FLRT1: variants seen among roughly 807,000 people sequenced by gnomAD.
The protein encoded by FLRT1 is leucine-rich repeat transmembrane protein FLRT1.
Under a neutral mutation model 30.9 loss-of-function variants are expected in FLRT1, and 14 were observed. The observed-to-expected ratio is 0.45, with a 90% confidence interval of 0.30 to 0.71. FLRT1 has a LOEUF of 0.71. Among genes scored for constraint, FLRT1 ranks in the 30% least tolerant of loss-of-function variants. FLRT1 has a pLI of 0.08. For missense variants in FLRT1, 737 were observed against 949.2 expected, an observed-to-expected ratio of 0.78 and a Z score of 2.94; for synonymous variants, 368 against 430.4, an observed-to-expected ratio of 0.85 and a Z score of 1.80.
At chr11:64,114,194 AGATGGATG>A (rs1224090833) in intron 2 of FLRT1, among the ~76,000 whole-genome samples, 14 of 118,978 alleles carry the variant, frequency 1.2e-4, no homozygotes, top group African/African-American at 3.6e-4. Context: ...ATGGATGGTT[AGATGGATG>A]GATGGATGGA....
chr11:64,056,660 G>C (rs1341987457), intron 1 of FLRT1, among the ~76,000 whole-genome samples: 1 of 152,178 alleles, frequency 6.6e-6, no homozygotes, highest in Non-Finnish European at 1.5e-5. Context: ...CAGGTCACAG[G>C]GGACAGGCAC....
chr11:64,072,513 G>A (rs1468213830), intron 1 of FLRT1, among the ~76,000 whole-genome samples: 1 of 152,204 alleles, frequency 6.6e-6, no homozygotes, highest in Non-Finnish European at 1.5e-5. Flanking sequence ...TGATAAACCA[G>A]GCACCCGTGA....
chr11:64,078,577 C>T (rs185924336), intron 1 of FLRT1, among the ~76,000 whole-genome samples: 82 of 152,308 alleles, frequency 5.4e-4, no homozygotes, highest in Admixed American at 4.9e-3. Flanking sequence ...GCCCTGTGCC[C>T]CACAGGGTCC....
At position 64,090,514 on chromosome 11, in the gene FLRT1, C is replaced by T. The variant is rs532257475; in HGVS notation, c.-1037-12680C>T. ...GGCCAAATAACCACATTTGCTTCCCCGGGCCCTCCCTCGACCGGCTCTGCC... is the reference window on the plus strand; with the variant it reads ...GGCCAAATAACCACATTTGCTTCCCTGGGCCCTCCCTCGACCGGCTCTGCC... On this transcript the variant is annotated intron_variant, in intron 1 of 2. Coordinates refer to ENST00000682287, the MANE Select transcript of FLRT1 (RefSeq NM_013280.5). The surrounding 1 kb of genome is among the most constrained non-coding windows in gnomAD (Gnocchi z 4.7). Among the ~76,000 whole-genome samples the T allele has an allele frequency of 9.2e-5, 14 of 152,208 alleles. No homozygotes were observed. The highest frequency in any genetic ancestry group is 1.2e-4 in the Non-Finnish European group (8 of 67,998).
intron 2 of FLRT1, among the ~76,000 whole-genome samples, chr11:64,111,601 A>G (rs1702844096): frequency 2.0e-5 from 3 of 152,144 alleles, no homozygotes; most frequent in Admixed American, 2.0e-4. Context: ...GGGCTGTGAA[A>G]TGAGGGCTGT....
At position 64,036,956 on chromosome 11, in the gene FLRT1, CGAG is replaced by C. The variant is rs1432778693; in HGVS notation, c.-1038+804_-1038+806del. ...GGAACCGTGGTTGATCAGAGCTCCC[CGAG>C]GAGGAGAAAGTTGTGGAACAGGGAC... On this transcript the variant is annotated intron_variant, in intron 1 of 2. Coordinates refer to ENST00000682287, the MANE Select transcript of FLRT1 (RefSeq NM_013280.5). The surrounding 1 kb of genome is among the most constrained non-coding windows in gnomAD (Gnocchi z 5.6). Among the ~76,000 whole-genome samples the C allele has an allele frequency of 1.3e-5, 2 of 152,196 alleles. No individual in the cohort carries two copies. The highest frequency in any genetic ancestry group is 2.4e-5 in the African/African-American group (1 of 41,450).
At chr11:64,038,309 C>T (rs951819799) in intron 1 of FLRT1, among the ~76,000 whole-genome samples, 1 of 152,208 alleles carries the variant, frequency 6.6e-6, no homozygotes, top group African/African-American at 2.4e-5. Flanking sequence ...CCTCTGGGAC[C>T]GGCTTCCTTG....
At chr11:64,073,307 T>G (rs1332561114) in intron 1 of FLRT1, among the ~76,000 whole-genome samples, 1 of 152,200 alleles carries the variant, frequency 6.6e-6, no homozygotes, top group Non-Finnish European at 1.5e-5. Context: ...ACCAGTGTCC[T>G]GTGCCCCCAG....
intron 2 of FLRT1, among the ~76,000 whole-genome samples, chr11:64,112,600 T>A (rs1590925277): frequency 6.6e-6 from 1 of 152,200 alleles, no homozygotes; most frequent in Non-Finnish European, 1.5e-5. Flanking sequence ...AGCAAGGAAC[T>A]GAGAGGAGTA....
intron 1 of FLRT1, among the ~76,000 whole-genome samples, chr11:64,074,375 C>T (rs931824148): frequency 3.9e-5 from 6 of 152,208 alleles, no homozygotes; most frequent in African/African-American, 1.4e-4. Flanking sequence ...CTCACCTCTG[C>T]AGTTTCTAAT....
In FLRT1 at chr11:64,072,108, C is replaced by T. The variant is rs1168073335; in HGVS notation, c.-1037-31086C>T. ...TCGAATCGACTGCTGAACTCATAAC[C>T]GCTGGGGCCTGCCCCGGCTGGCAGC... On this transcript the variant is annotated intron_variant, in intron 1 of 2. Coordinates refer to ENST00000682287, the MANE Select transcript of FLRT1 (RefSeq NM_013280.5). Among the ~76,000 whole-genome samples the T allele has an allele frequency of 3.3e-5, 5 of 152,346 alleles. No individual in the cohort carries two copies. The South Asian group carries it at 6.2e-4, about 19-fold the overall frequency.
rs896205084 is a variant in FLRT1, at chr11:64,067,218, TG to T, written c.-1038+31063del. ...CCAAGGAGATGGCAGATGGGAGGGG[TG>T]GGGAGAGGCCTTGCATGGCACCCAC... On this transcript the variant is annotated intron_variant, in intron 1 of 2. Transcript: ENST00000682287. This position sits in a 1 kb window ranked among gnomAD's most constrained non-coding sequence, Gnocchi z 4.6. 6.6e-6 allele frequency among the ~76,000 whole-genome samples: 1 copy of T among 151,020 alleles called. No homozygotes were observed. Among genetic ancestry groups the T allele is most frequent in the Admixed American group, 6.6e-5 (1 of 15,188 alleles).
chr11:64,078,881 G>C (rs1051679313), intron 1 of FLRT1, among the ~76,000 whole-genome samples: 1 of 152,234 alleles, frequency 6.6e-6, no homozygotes, highest in Admixed American at 6.5e-5. Context: ...AGGGGACAGC[G>C]AGAACTCAGA....
rs1202997867 is a variant in FLRT1, at chr11:64,096,163, G to A, written c.-1037-7031G>A. ...CAGGAGGGGACCAGGGCTGCCCGCC[G>A]GCTCCACCACCTGCCTTGGCCAAGG... is the stretch of plus-strand genomic sequence containing the variant. On this transcript the variant is annotated intron_variant, in intron 1 of 2. Coordinates refer to ENST00000682287, the MANE Select transcript of FLRT1 (RefSeq NM_013280.5). The surrounding 1 kb of genome is among the most constrained non-coding windows in gnomAD (Gnocchi z 4.6). Among the ~76,000 whole-genome samples, 5 of 152,396 alleles carry A rather than the reference G, an allele frequency of 3.3e-5. 1 individual carries two copies. The South Asian group carries it at 6.2e-4, about 19-fold the overall frequency.
At chr11:64,056,747 G>T (rs1943793502) in intron 1 of FLRT1, among the ~76,000 whole-genome samples, 1 of 152,184 alleles carries the variant, frequency 6.6e-6, no homozygotes. Context: ...CCCATCCTGG[G>T]GACCCCTTGG....
At chr11:64,039,617 C>T (rs548668347) in intron 1 of FLRT1, among the ~76,000 whole-genome samples, 6 of 152,192 alleles carry the variant, frequency 3.9e-5, no homozygotes, top group South Asian at 2.1e-4. Flanking sequence ...CTCCTCCCCC[C>T]GGACAGCCTG....
At chr11:64,039,617 C>G (rs548668347) in intron 1 of FLRT1, among the ~76,000 whole-genome samples, 5 of 152,310 alleles carry the variant, frequency 3.3e-5, no homozygotes, top group Admixed American at 6.5e-5. Flanking sequence ...CTCCTCCCCC[C>G]GGACAGCCTG....
chr11:64,093,232 G>A (rs889573678), intron 1 of FLRT1, among the ~76,000 whole-genome samples: 1 of 152,186 alleles, frequency 6.6e-6, no homozygotes, highest in Non-Finnish European at 1.5e-5. Flanking sequence ...ACTGTTGTTA[G>A]TATTATTATT....
chr11:64,037,811 G>T (rs1030695425), intron 1 of FLRT1, among the ~76,000 whole-genome samples: 1 of 152,220 alleles, frequency 6.6e-6, no homozygotes, highest in African/African-American at 2.4e-5. Flanking sequence ...CTGTGCATCC[G>T]CACTCTACCA....
Sources: allele counts gnomAD v4.1 joint callset (sites outside exome capture counted in the v4.1 genomes callset), GRCh38; gene constraint gnomAD v4.1.1; non-coding constraint Gnocchi (gnomAD v3.1); transcripts MANE v1.5; gene names NCBI Gene and HGNC (gene_info 2026-07-23, HGNC 2026-07-21).